MOCOS: variants seen among roughly 807,000 people sequenced by gnomAD.
MOCOS encodes human molybdenum cofactor sulfurase.
Under a neutral mutation model 83.6 loss-of-function variants are expected in MOCOS, and 86 were observed. That is an observed-to-expected ratio of 1.03 (90% CI 0.86 to 1.23). MOCOS has a LOEUF of 1.23. Ranked by LOEUF, MOCOS falls within the 50% of genes most tolerant of loss-of-function variation. The pLI, the probability that MOCOS is intolerant of heterozygous loss-of-function variation, is 0.00. For synonymous variants in MOCOS, 445 were observed against 434.7 expected, an observed-to-expected ratio of 1.02 and a Z score of -0.29; for missense variants, 1,120 against 1,126.9, an observed-to-expected ratio of 0.99 and a Z score of 0.09.
intron 2 of MOCOS, among the ~76,000 whole-genome samples, chr18:36,196,505 AG>A (rs2091388185): frequency 6.6e-6 from 1 of 152,140 alleles, no homozygotes; most frequent in Non-Finnish European, 1.5e-5. Context: ...AGCCTCCACC[AG>A]AGTGCCTCGA....
Position 36,215,505 on chromosome 18 carries a change from T to A in MOCOS, c.1336-11T>A. 2 of 1,612,916 alleles carry A rather than the reference T, an allele frequency of 1.2e-6. No homozygotes were observed. Among genetic ancestry groups the A allele is most frequent in the Non-Finnish European group, 1.7e-6 (2 of 1,179,500 alleles). ...GGTCACTCTGGCTGATGCACTTCCCTCTTATCCTAGGCTGGTCATGTCTGT... is the reference window on the plus strand; with the variant it reads ...GGTCACTCTGGCTGATGCACTTCCCACTTATCCTAGGCTGGTCATGTCTGT... On this transcript the variant is annotated splice_polypyrimidine_tract_variant and intron_variant, in intron 7 of 14. Coordinates refer to ENST00000261326, the MANE Select transcript of MOCOS (RefSeq NM_017947.4).
chr18:36,189,657 C>T (rs921272401), intron 1 of MOCOS, among the ~76,000 whole-genome samples: 10 of 152,132 alleles, frequency 6.6e-5, no homozygotes, highest in African/African-American at 1.9e-4. Context: ...ATTGAATATA[C>T]GGATGTGTGT....
chr18:36,201,490 C>T (rs559910411), intron 4 of MOCOS, among the ~76,000 whole-genome samples: 67 of 151,840 alleles, frequency 4.4e-4, no homozygotes, highest in South Asian at 4.2e-4. Context: ...GGTGAAACTC[C>T]GTCTCTACTA....
chr18:36,205,265 G>T lies in MOCOS; in HGVS notation c.1207G>T (p.Gly403Cys), dbSNP rs751629128. The T allele has an allele frequency of 1.2e-5, 20 of 1,613,582 alleles. No individual in the cohort carries two copies. The highest frequency in any genetic ancestry group is 6.7e-5 in the Admixed American group (4 of 59,994). ...NVLDDKGNII[G>C]YSQVDKMASL... is the part of the protein sequence containing the mutation. The stretch of plus-strand genomic sequence containing the variant: ...GCTGGATGACAAAGGGAACATCATT[G>T]GTTACTCCCAGGTGGGTTTTCTTTC... Residue 403 changes from glycine (G) to cysteine (C), a missense_variant, in exon 6 of 15, where the codon GGT becomes TGT. Coordinates refer to ENST00000261326, the MANE Select transcript of MOCOS (RefSeq NM_017947.4).
intron 9 of MOCOS, among the ~76,000 whole-genome samples, chr18:36,248,293 A>G (rs779860039): frequency 5.7e-4 from 87 of 152,198 alleles, no homozygotes; most frequent in Non-Finnish European, 1.1e-3. Flanking sequence ...AAAAAATTGA[A>G]TTACTTGTTT....
Position 36,266,843 on chromosome 18 carries a change from G to A in MOCOS, c.2504G>A (p.Arg835His), listed in dbSNP as rs772242163. The A allele has an allele frequency of 1.1e-5, 17 of 1,613,550 alleles. No homozygotes were observed. Among genetic ancestry groups the A allele is most frequent in the East Asian group, 6.7e-5 (3 of 44,886 alleles). Residue 835 changes from arginine (R) to histidine (H), a missense_variant, in exon 14 of 15, where the codon CGT (arginine) becomes CAT (histidine). Transcript: ENST00000261326. ...QHVFQKLSES[R>H]ETKVNFGMYL... ...GTTTTCCAAAAACTTTCTGAGAGTC[G>A]TGAAACAAAGGTAAGCGTGATTGCA...
intron 9 of MOCOS, among the ~76,000 whole-genome samples, chr18:36,244,344 G>T (rs1568064451): frequency 2.0e-5 from 3 of 152,160 alleles, no homozygotes; most frequent in South Asian, 2.1e-4. Flanking sequence ...TCAGTTCAAA[G>T]AATTTTTTAA....
At chr18:36,259,074 G>T (rs1279604901) in intron 12 of MOCOS, among the ~76,000 whole-genome samples, 1 of 150,590 alleles carries the variant, frequency 6.6e-6, no homozygotes, top group Non-Finnish European at 1.5e-5. Context: ...GCGTTCTTCT[G>T]GGTGGGGGTG....
At chr18:36,244,314 G>C (rs546206375) in intron 9 of MOCOS, among the ~76,000 whole-genome samples, 3 of 152,044 alleles carry the variant, frequency 2.0e-5, no homozygotes, top group East Asian at 3.9e-4. Flanking sequence ...GGTTGTGATT[G>C]GTTGTGTCAC....
chr18:36,234,972 C>A (rs2091552373), intron 9 of MOCOS, among the ~76,000 whole-genome samples: 1 of 152,034 alleles, frequency 6.6e-6, no homozygotes, highest in Non-Finnish European at 1.5e-5. Flanking sequence ...CAATCACCTC[C>A]CTCCCTTGAT....
intron 1 of MOCOS, among the ~76,000 whole-genome samples, chr18:36,188,122 C>T (rs943044579): frequency 6.6e-6 from 1 of 151,926 alleles, no homozygotes; most frequent in African/African-American, 2.4e-5. Flanking sequence ...GCACCTCTGA[C>T]GGCGCGCCAG....
chr18:36,268,705 G>A lies in MOCOS; in HGVS notation c.*20G>A, dbSNP rs55862324. 1.0e-5 allele frequency: 6 copies of A among 571,932 alleles called. No individual in the cohort carries two copies. Among genetic ancestry groups the A allele is most frequent in the African/African-American group, 5.5e-5 (2 of 36,346 alleles). 35.4% of individuals were successfully genotyped at this position (571,932 alleles called of 1,614,324 possible). A position where few individuals can be genotyped will look rare whatever the true frequency, so the allele number is the denominator to read the frequency against. On this transcript the variant is annotated 3_prime_UTR_variant, in exon 15 of 15. Transcript: ENST00000261326. The stretch of plus-strand genomic sequence containing the variant: ...TCCTAAAAAAAATTTTTAGCATAAA[G>A]TTTCTCTTTTACAGTGATCTCTATT...
intron 5 of MOCOS, 118 bp downstream of exon 5, chr18:36,203,307 G>A: frequency 1.0e-6 from 1 of 952,664 alleles, no homozygotes; most frequent in Non-Finnish European, 1.7e-6. Flanking sequence ...GGCACTCCAT[G>A]TAGTTAAATT....
chr18:36,187,665 G>A lies in MOCOS; in HGVS notation c.126G>A (p.Glu42=). 7.9e-7 allele frequency: 1 copy of A among 1,261,164 alleles called. No homozygotes were observed. The highest frequency in any genetic ancestry group is 1.0e-6 in the Non-Finnish European group (1 of 1,003,276). The allele number at this position is 1,261,164 out of a possible 1,614,324, so 78.1% of individuals were successfully genotyped here. The stretch of plus-strand genomic sequence containing the variant: ...GCCTGCGCGAGCTGCGGGCGCGCGA[G>A]TTCAGCCGCCTGGCAGGTGAGGCGG... The part of the protein sequence containing the change: ...PGSLRELRAR[E]FSRLAGTVYL... The change falls in exon 1 of 15, where the codon GAG becomes GAA. Residue 42 remains glutamate, a synonymous_variant. Transcript: ENST00000261326.
intron 1 of MOCOS, among the ~76,000 whole-genome samples, chr18:36,192,115 C>A (rs1308250016): frequency 1.3e-5 from 2 of 152,106 alleles, no homozygotes; most frequent in Non-Finnish European, 2.9e-5. Flanking sequence ...CTAGCCAGGG[C>A]AATTAGGCAA....
chr18:36,228,243 A>T (rs2091524994), intron 9 of MOCOS, among the ~76,000 whole-genome samples: 2 of 152,252 alleles, frequency 1.3e-5, no homozygotes, highest in Non-Finnish European at 2.9e-5. Flanking sequence ...ACTGTAAATT[A>T]GTTTAGCCAT....
chr18:36,209,111 T>C (rs1219134367), intron 6 of MOCOS, among the ~76,000 whole-genome samples: 3 of 152,196 alleles, frequency 2.0e-5, no homozygotes, highest in Non-Finnish European at 4.4e-5. Flanking sequence ...TTTGTGTACG[T>C]TGAACCAGCT....
chr18:36,216,102 A>G (rs917731708), intron 8 of MOCOS, 125 bp downstream of exon 8: 9 of 1,003,450 alleles, frequency 9.0e-6, no homozygotes, highest in Non-Finnish European at 1.3e-5. Flanking sequence ...GAGAAAAGCC[A>G]TTCTCACTCT....
chr18:36,198,422 A>G (rs1424821906), intron 2 of MOCOS, among the ~76,000 whole-genome samples: 2 of 152,176 alleles, frequency 1.3e-5, no homozygotes, highest in Non-Finnish European at 2.9e-5. Flanking sequence ...TGGATGTAGC[A>G]TATTTTGTTT....
Sources: allele counts gnomAD v4.1 joint callset (sites outside exome capture counted in the v4.1 genomes callset), GRCh38; gene constraint gnomAD v4.1.1; transcripts MANE v1.5; gene names NCBI Gene and HGNC (gene_info 2026-07-23, HGNC 2026-07-21).